CPNE8: variants seen among roughly 807,000 people sequenced by gnomAD.
CPNE8 encodes the protein copine-8.
Under a neutral mutation model 81.5 loss-of-function variants are expected in CPNE8, and 45 were observed. The ratio of observed to expected loss-of-function variants is 0.55; its 90% CI spans 0.44 to 0.71. The LOEUF (loss-of-function observed/expected upper bound fraction) is 0.71. CPNE8 is among the 30% of genes least tolerant of loss of function. The pLI is 0.00. For missense variants in CPNE8, 594 were observed against 672.1 expected, an observed-to-expected ratio of 0.88 and a Z score of 1.28; for synonymous variants, 252 against 226.3, an observed-to-expected ratio of 1.11 and a Z score of -1.02.
chr12:38,656,866 A>G (rs1591992147), intron 19 of CPNE8, among the ~76,000 whole-genome samples: 1 of 152,200 alleles, frequency 6.6e-6, no homozygotes, highest in Non-Finnish European at 1.5e-5. Context: ...TGGGAGCCGT[A>G]AAGTATTTCC....
chr12:38,786,626 A>G (rs1224422335), intron 6 of CPNE8, among the ~76,000 whole-genome samples: 1 of 152,096 alleles, frequency 6.6e-6, no homozygotes, highest in Non-Finnish European at 1.5e-5. Flanking sequence ...TTCTGTCCCA[A>G]TAGAGGACCC....
intron 3 of CPNE8, among the ~76,000 whole-genome samples, chr12:38,872,170 C>T (rs939243011): frequency 2.6e-5 from 4 of 151,816 alleles, no homozygotes; most frequent in East Asian, 1.9e-4. Flanking sequence ...CAGTTAGATA[C>T]GATAAACATG....
chr12:38,886,931 T>C (rs994860940), intron 1 of CPNE8, among the ~76,000 whole-genome samples: 11 of 151,472 alleles, frequency 7.3e-5, no homozygotes, highest in Non-Finnish European at 1.5e-5. Context: ...AGCAAAAAAG[T>C]TGTGAATATA....
rs966820452 is a variant in CPNE8 at position 38,771,466 on chromosome 12, TA to T, written c.472-3729del. Among the ~76,000 whole-genome samples the T allele has an allele frequency of 1.5e-3, 228 of 149,622 alleles. 1 individual carries two copies. The highest frequency in any genetic ancestry group is 5.0e-3 in the African/African-American group (205 of 40,956). ...GGGCAATAGAGTGAGACCCCGTATT[TA>T]AAAAAAAAATACTGATTGAAGATAC... On this transcript the variant is annotated intron_variant, in intron 7 of 19. Coordinates refer to ENST00000331366, the MANE Select transcript of CPNE8 (RefSeq NM_153634.3).
At chr12:38,746,075 CAGTA>C (rs888148415) in intron 10 of CPNE8, among the ~76,000 whole-genome samples, 1 of 152,056 alleles carries the variant, frequency 6.6e-6, no homozygotes, top group Non-Finnish European at 1.5e-5. Flanking sequence ...TTCTCGCAAT[CAGTA>C]AGACAATTTC....
At chr12:38,730,240 T>C (rs765798294) in intron 11 of CPNE8, 43 bp downstream of exon 11, 16 of 1,176,448 alleles carry the variant, frequency 1.4e-5, no homozygotes, top group Non-Finnish European at 1.8e-5. Flanking sequence ...CACAGATTTA[T>C]TTATTCTAGA....
chr12:38,860,604 T>C (rs1943816700), intron 3 of CPNE8, among the ~76,000 whole-genome samples: 1 of 150,684 alleles, frequency 6.6e-6, no homozygotes, highest in African/African-American at 2.4e-5. Context: ...ATATCTACAC[T>C]CCTATGTTCA....
At chr12:38,796,107 A>C (rs1225686042) in intron 6 of CPNE8, among the ~76,000 whole-genome samples, 1 of 152,038 alleles carries the variant, frequency 6.6e-6, no homozygotes, top group African/African-American at 2.4e-5. Context: ...CACAAATATA[A>C]CATGGCCATC....
chr12:38,784,029 C>A (rs1376765769), intron 6 of CPNE8, among the ~76,000 whole-genome samples: 3 of 152,070 alleles, frequency 2.0e-5, no homozygotes, highest in African/African-American at 7.2e-5. Context: ...AAATAAAGCA[C>A]CAGGAACCAA....
At chr12:38,797,049 C>T (rs1017460326) in intron 6 of CPNE8, among the ~76,000 whole-genome samples, 1 of 152,162 alleles carries the variant, frequency 6.6e-6, no homozygotes, top group Non-Finnish European at 1.5e-5. Flanking sequence ...CCGGGAAGCT[C>T]GAACTGGGTG....
intron 10 of CPNE8, among the ~76,000 whole-genome samples, chr12:38,740,562 C>T (rs551024390): frequency 9.9e-5 from 15 of 152,188 alleles, no homozygotes; most frequent in South Asian, 2.1e-4. Flanking sequence ...TTTTGAGATA[C>T]GTCCCATCAA....
intron 11 of CPNE8, among the ~76,000 whole-genome samples, chr12:38,725,148 C>T (rs907207534): frequency 1.4e-4 from 21 of 152,130 alleles, no homozygotes; most frequent in Non-Finnish European, 2.2e-4. Context: ...TTACCCTTAA[C>T]TATGGTCACG....
chr12:38,724,501 G>T (rs909591739), intron 12 of CPNE8, among the ~76,000 whole-genome samples: 3 of 152,064 alleles, frequency 2.0e-5, no homozygotes, highest in African/African-American at 7.2e-5. Flanking sequence ...CCTATAAAGA[G>T]TATAGTATTT....
At chr12:38,843,993 T>C (rs1943513688) in intron 4 of CPNE8, among the ~76,000 whole-genome samples, 1 of 152,148 alleles carries the variant, frequency 6.6e-6, no homozygotes, top group African/African-American at 2.4e-5. Context: ...GGCATGAAAT[T>C]AGACTTCGAC....
intron 19 of CPNE8, 60 bp from the exon 20 acceptor site, chr12:38,654,130 A>G: frequency 6.6e-7 from 1 of 1,505,534 alleles, no homozygotes; most frequent in East Asian, 2.4e-5. Context: ...TAATAAACAC[A>G]AAAAATCAAC....
intron 1 of CPNE8, among the ~76,000 whole-genome samples, chr12:38,876,095 A>G (rs1283017913): frequency 6.6e-6 from 1 of 152,232 alleles, no homozygotes; most frequent in Non-Finnish European, 1.5e-5. Flanking sequence ...AAACTATGCT[A>G]TGTACGTATT....
intron 19 of CPNE8, among the ~76,000 whole-genome samples, chr12:38,658,055 A>C (rs1938862868): frequency 6.6e-6 from 1 of 152,216 alleles, no homozygotes; most frequent in Non-Finnish European, 1.5e-5. Context: ...GAGTTTGACG[A>C]GTTGACAGAA....
chr12:38,806,853 C>T (rs1342127687), intron 6 of CPNE8, among the ~76,000 whole-genome samples: 2 of 149,998 alleles, frequency 1.3e-5, no homozygotes, highest in East Asian at 4.4e-4. Context: ...TCTAGAAAAC[C>T]CCATCGTCTC....
chr12:38,788,132 T>A (rs954018549), intron 6 of CPNE8, among the ~76,000 whole-genome samples: 1 of 151,808 alleles, frequency 6.6e-6, no homozygotes, highest in East Asian at 1.9e-4. Flanking sequence ...ATTACCCTGA[T>A]AACAAAAGCA....
Sources: gnomAD v4.1 joint callset for allele counts (sites outside exome capture counted in the v4.1 genomes callset) on GRCh38, gnomAD v4.1.1 for gene constraint, MANE v1.5 for transcripts, NCBI Gene and HGNC (gene_info 2026-07-23, HGNC 2026-07-21) for gene names.